The following GBP4 variants were observed in gnomAD, a reference collection of about 807,000 sequenced individuals.
The protein encoded by GBP4 is guanylate binding protein 4.
In GBP4, 69 loss-of-function variants were observed where a neutral mutation model predicts 62.2. That is an observed-to-expected ratio of 1.11 (90% CI 0.91 to 1.36). The LOEUF (loss-of-function observed/expected upper bound fraction) is 1.36. Among genes scored for constraint, GBP4 ranks in the 40% most tolerant of loss-of-function variants. GBP4 has a pLI of 0.00. For synonymous variants in GBP4, 278 were observed against 274.6 expected, an observed-to-expected ratio of 1.01 and a Z score of -0.12; for missense variants, 697 against 759.3, an observed-to-expected ratio of 0.92 and a Z score of 0.96.
Position 89,195,416 on chromosome 1 carries a change from G to A in GBP4, c.244C>T (p.Leu82=). The change falls in exon 3 of 11, where the codon CTG becomes TTG. Residue 82 remains leucine (L), a synonymous_variant. Coordinates refer to ENST00000355754, the MANE Select transcript of GBP4 (RefSeq NM_052941.5). ...GTTTCAGACTGCACCGTGGAGCCCAGAGGGAAGCCTGCAGGGAAGAGGAAA... is the reference window on the plus strand; with the variant it reads ...GTTTCAGACTGCACCGTGGAGCCCAAAGGGAAGCCTGCAGGGAAGAGGAAA... The part of the protein sequence containing the change: ...RLAGKRNGFP[L]GSTVQSETKG... The A allele has an allele frequency of 1.9e-6, 3 of 1,613,846 alleles. No individual in the cohort carries two copies. Among genetic ancestry groups the A allele is most frequent in the Non-Finnish European group, 1.7e-6 (2 of 1,179,818 alleles).
Position 89,198,792 on chromosome 1 carries a change from T to TAC in GBP4, c.40+1_40+2dup. The TAC allele has an allele frequency of 6.2e-7, 1 of 1,613,110 alleles. No individual in the cohort carries two copies. Among genetic ancestry groups the TAC allele is most frequent in the East Asian group, 2.2e-5 (1 of 44,884 alleles). On this transcript the variant is annotated splice_region_variant and intron_variant, in intron 1 of 10. Coordinates refer to ENST00000355754, the MANE Select transcript of GBP4 (RefSeq NM_052941.5). ...GAAAGGTAAAGCTTAAGAGCAAACT[T>TAC]ACCTGGTGTGGGCACTGCAGCGTGA...
chr1:89,198,591 C>T (rs1038799774), intron 1 of GBP4: 26 of 579,020 alleles, frequency 4.5e-5, no homozygotes, highest in African/African-American at 4.3e-4. Flanking sequence ...GCCTGTGGAC[C>T]GTCTAGAGAC....
chr1:89,197,281 T>G lies in GBP4; in HGVS notation c.64A>C (p.Met22Leu). The G allele has an allele frequency of 6.2e-7, 1 of 1,614,064 alleles. No individual in the cohort carries two copies. ...TCCACTAGACAAATGGGGGCCATCA[T>G]GATGGATTCAGATTCTGGATAACCT... ...TPGYPESESI[M>L]MAPICLVENQ... Residue 22 changes from methionine (M) to leucine (L), a missense_variant, in exon 2 of 11, where the codon ATG becomes CTG. Physicochemically the swap from Met to Leu is conservative, Grantham distance 15. Coordinates refer to ENST00000355754, the MANE Select transcript of GBP4 (RefSeq NM_052941.5).
intron 1 of GBP4, 86 bp downstream of exon 1, chr1:89,198,709 C>A: frequency 8.6e-7 from 1 of 1,168,024 alleles, no homozygotes; most frequent in Non-Finnish European, 1.3e-6. Flanking sequence ...TCCAACCCTC[C>A]CCGTGTGCAG....
In GBP4 at chr1:89,182,575, G is replaced by C. The variant is rs1468004209; in HGVS notation, c.*2679C>G. ...CGACTCACTGCAAGCTCCGCCTCCT[G>C]GGTTCACGCCATTCTCCTGCCTCAG... On this transcript the variant is annotated 3_prime_UTR_variant, in exon 11 of 11. Transcript: ENST00000355754. 3.4e-5 allele frequency: 5 copies of C among 149,072 alleles called. No homozygotes were observed. Among genetic ancestry groups the C allele is most frequent in the African/African-American group, 7.4e-5 (3 of 40,436 alleles). The allele number at this position is 149,072 out of a possible 1,614,324, so 9.2% of individuals were successfully genotyped here.
chr1:89,191,964 A>G (rs1451513144), intron 5 of GBP4, among the ~76,000 whole-genome samples: 2 of 152,224 alleles, frequency 1.3e-5, no homozygotes, highest in Non-Finnish European at 1.5e-5. Flanking sequence ...ATGATACCCA[A>G]GTCAGTAATA....
At chr1:89,188,821 T>C in intron 7 of GBP4, 27 bp from the exon 8 acceptor site, 1 of 1,611,308 alleles carries the variant, frequency 6.2e-7, no homozygotes, top group South Asian at 1.1e-5. Context: ...GAGAAAACAG[T>C]AGAAAGAAGC....
intron 6 of GBP4, 47 bp downstream of exon 6, chr1:89,191,214 C>T (rs1458968391): frequency 5.0e-6 from 8 of 1,596,750 alleles, no homozygotes; most frequent in African/African-American, 1.3e-5. Context: ...AGCTTCAACA[C>T]ATCCTGGACC....
intron 5 of GBP4, among the ~76,000 whole-genome samples, chr1:89,192,336 G>A (rs1043315039): frequency 6.6e-6 from 1 of 152,038 alleles, no homozygotes; most frequent in Non-Finnish European, 1.5e-5. Flanking sequence ...TATGAAAATA[G>A]TAAAATGAAG....
rs1423018898 is a variant in GBP4 at position 89,197,247 on chromosome 1, TC to T, written c.97del (p.Glu33LysfsTer4). 7 of 1,614,036 alleles carry T rather than the reference TC, an allele frequency of 4.3e-6. No individual in the cohort carries two copies. The highest frequency in any genetic ancestry group is 5.9e-6 in the Non-Finnish European group (7 of 1,180,020). On this transcript the variant is annotated frameshift_variant, in exon 2 of 11. Coordinates refer to ENST00000355754, the MANE Select transcript of GBP4 (RefSeq NM_052941.5). LOFTEE classifies it high-confidence loss of function. ...MAPICLVENQ[E>X]EQLTVNSKAL... is the part of the protein sequence containing the mutation. ...CTTTGAATTCACTGTCAGCTGCTCTTCCTGGTTTTCCACTAGACAAATGGGG... is the reference window on the plus strand; with the variant it reads ...CTTTGAATTCACTGTCAGCTGCTCTTCTGGTTTTCCACTAGACAAATGGGG...
rs1647983183 is a variant in GBP4, at chr1:89,184,711, G to A, written c.*543C>T. ...TGGGGTCTACTTGAGGGTGTAGGTT[G>A]GGAGGAGGGAGAAGATCAGAAAAAA... On this transcript the variant is annotated 3_prime_UTR_variant, in exon 11 of 11. Transcript: ENST00000355754. The A allele has an allele frequency of 6.6e-6, 1 of 152,262 alleles. No homozygotes were observed. The highest frequency in any genetic ancestry group is 2.1e-4 in the South Asian group (1 of 4,820). 9.4% of individuals were successfully genotyped at this position (152,262 alleles called of 1,614,324 possible). A position where few individuals can be genotyped will look rare whatever the true frequency, so the allele number is the denominator to read the frequency against.
chr1:89,192,727 A>T (rs192540566), intron 5 of GBP4, among the ~76,000 whole-genome samples, 177 bp downstream of exon 5: 4 of 152,308 alleles, frequency 2.6e-5, no homozygotes, highest in African/African-American at 9.6e-5. Flanking sequence ...CCTCTGGGAA[A>T]TTTCAAGTAA....
Position 89,197,361 on chromosome 1 carries a change from G to A in GBP4, c.41-57C>T. On this transcript the variant is annotated intron_variant, in intron 1 of 10. Transcript: ENST00000355754. Reference sequence around the variant, plus strand: ...ACAAGATCTTGAAGTCATCCCTAAGGGCTACCTAAGGCACATACATATTAG... The same window carrying A: ...ACAAGATCTTGAAGTCATCCCTAAGAGCTACCTAAGGCACATACATATTAG... The A allele has an allele frequency of 2.1e-6, 3 of 1,415,880 alleles. No homozygotes were observed. In the South Asian group the frequency reaches 4.1e-5, roughly 19 times the overall value. 87.7% of individuals were successfully genotyped at this position (1,415,880 alleles called of 1,614,324 possible).
In GBP4 at chr1:89,192,967, T is replaced by G; in HGVS notation, c.607A>C (p.Lys203Gln). The change falls in exon 5 of 11, where the codon AAG (lysine) becomes CAG (glutamine). Residue 203 changes from lysine to glutamine, a missense_variant. Physicochemically the swap from Lys to Gln is moderately conservative, Grantham distance 53. This residue lies in a region of GBP4 where 556 missense variants were observed against 562.7 expected (regional missense o/e 0.99). Transcript: ENST00000355754. ...WTVRDFTLEL[K>Q]LDGNPITEDE... is the part of the protein sequence containing the mutation. Reference sequence around the variant, plus strand: ...TCTGTGATGGGGTTTCCATCTAACTTTAGCTCCAGGGTAAAATCCCGAACA... The same window carrying G: ...TCTGTGATGGGGTTTCCATCTAACTGTAGCTCCAGGGTAAAATCCCGAACA... The G allele has an allele frequency of 1.2e-6, 2 of 1,614,188 alleles. No individual in the cohort carries two copies. Among genetic ancestry groups the G allele is most frequent in the Non-Finnish European group, 1.7e-6 (2 of 1,180,034 alleles).
intron 2 of GBP4, among the ~76,000 whole-genome samples, chr1:89,196,480 T>C (rs114342966): frequency 0.019 from 2,951 of 152,168 alleles, 35 homozygotes; most frequent in Middle Eastern, 0.044. Flanking sequence ...TATGACAGGG[T>C]ATGATTTTTG....
In GBP4 at chr1:89,190,272, T is replaced by C. The variant is rs374274451; in HGVS notation, c.963A>G (p.Gly321=). 2 of 1,613,910 alleles carry C rather than the reference T, an allele frequency of 1.2e-6. No homozygotes were observed. Among genetic ancestry groups the C allele is most frequent in the Non-Finnish European group, 8.5e-7 (1 of 1,179,940 alleles). The change falls in exon 7 of 11, where the codon GGA becomes GGG. Residue 321 remains glycine, a synonymous_variant. Coordinates refer to ENST00000355754, the MANE Select transcript of GBP4 (RefSeq NM_052941.5). ...CTGCATTCTCCAGACAAGGTACTGC[T>C]CCACTGTTGATGGCATCTACATAAG... ...VVTYVDAINS[G]AVPCLENAVT... is the part of the protein sequence containing the mutation.
At chr1:89,193,268 C>T in intron 4 of GBP4, 35 bp downstream of exon 4, 1 of 1,596,518 alleles carries the variant, frequency 6.3e-7, no homozygotes. Flanking sequence ...CCCCTAAACC[C>T]CATAAAACCT....
rs1279216175 is a variant in GBP4 at position 89,188,761 on chromosome 1, G to T, written c.1231C>A (p.Leu411Met). ...TTGGCAGATGCCTCTTCATTCTGCAGCACAAAGTCTCCCTTCTTTTTCTCT... is the reference window on the plus strand; with the variant it reads ...TTGGCAGATGCCTCTTCATTCTGCATCACAAAGTCTCCCTTCTTTTTCTCT... Reference protein sequence around the residue: ...TIEKKKGDFVLQNEEASAKYC... With the variant: ...TIEKKKGDFVMQNEEASAKYC... Residue 411 changes from leucine to methionine, a missense_variant, in exon 8 of 11, where the codon CTG becomes ATG. By Grantham distance (15) the Leu-to-Met change is conservative. Transcript: ENST00000355754. 1 of 1,614,250 alleles carries T rather than the reference G, an allele frequency of 6.2e-7. No homozygotes were observed. Among genetic ancestry groups the T allele is most frequent in the Non-Finnish European group, 8.5e-7 (1 of 1,180,038 alleles).
intron 6 of GBP4, among the ~76,000 whole-genome samples, chr1:89,190,909 T>G (rs1648164273): frequency 6.6e-6 from 1 of 152,154 alleles, no homozygotes; most frequent in Non-Finnish European, 1.5e-5. Context: ...TGCATGGAAC[T>G]CATGGCCTGA....
Sources: allele counts gnomAD v4.1 joint callset (sites outside exome capture counted in the v4.1 genomes callset), GRCh38; gene constraint gnomAD v4.1.1; regional missense constraint gnomAD v4.1.1; transcripts MANE v1.5; gene names NCBI Gene and HGNC (gene_info 2026-07-23, HGNC 2026-07-21).